The following LMO7 variants were observed in gnomAD, a reference collection of about 807,000 sequenced individuals.
LMO7 encodes the protein LIM domain 7.
In LMO7, 120 loss-of-function variants were observed where a neutral mutation model predicts 206.5. That is an observed-to-expected ratio of 0.58 (90% confidence interval 0.50 to 0.68). The LOEUF (loss-of-function observed/expected upper bound fraction) is 0.68. LMO7 is among the 30% of genes least tolerant of loss of function. LMO7 has a pLI of 0.00. For missense variants in LMO7, 1,959 were observed against 1,957.9 expected (o/e 1.00, Z -0.01); for synonymous variants, 706 against 681.5 (o/e 1.04, Z -0.56).
intron 3 of LMO7, among the ~76,000 whole-genome samples, chr13:75,737,739 C>A (rs71434803): frequency 1.1e-5 from 1 of 91,520 alleles, no homozygotes; most frequent in Non-Finnish European, 1.9e-5. Flanking sequence ...GGCGACAGAG[C>A]GAGACTCCGT....
chr13:75,776,845 T>C (rs2050576817), intron 4 of LMO7, among the ~76,000 whole-genome samples: 1 of 152,228 alleles, frequency 6.6e-6, no homozygotes, highest in African/African-American at 2.4e-5. Flanking sequence ...AGGTTGATTT[T>C]CCTATCAATT....
chr13:75,737,793 A>AAC lies in LMO7; in HGVS notation c.210+10696_210+10697insCA, dbSNP rs1555305789. 1.3e-4 allele frequency among the ~76,000 whole-genome samples: 17 copies of AAC among 128,158 alleles called. 1 individual carries two copies. The highest frequency in any genetic ancestry group is 4.6e-4 in the East Asian group (2 of 4,380). The allele number at this position is 128,158 out of a possible 152,430, so 84.1% of individuals were successfully genotyped here. On this transcript the variant is annotated intron_variant, in intron 3 of 30. Coordinates refer to ENST00000377534, the MANE Select transcript of LMO7 (RefSeq NM_001306080.2). ...AAAATAAAATAAAATAAAAAAAAAA[A>AAC]AAAAAAAACTTTTTACTTTGAAATA... is the stretch of plus-strand genomic sequence containing the variant.
At chr13:75,640,335 A>G (rs892329322) in intron 1 of LMO7, among the ~76,000 whole-genome samples, 1 of 152,142 alleles carries the variant, frequency 6.6e-6, no homozygotes, top group Non-Finnish European at 1.5e-5. Context: ...AGTTAAATGG[A>G]TGCTGATGGT....
intron 1 of LMO7, among the ~76,000 whole-genome samples, chr13:75,709,347 C>G (rs1452052290): frequency 6.6e-6 from 1 of 152,132 alleles, no homozygotes; most frequent in Non-Finnish European, 1.5e-5. Context: ...GGTATTTCTA[C>G]TTCAAGATCC....
At chr13:75,748,807 C>CTT (rs1566384248) in intron 3 of LMO7, among the ~76,000 whole-genome samples, 2 of 132,386 alleles carry the variant, frequency 1.5e-5, no homozygotes, top group Non-Finnish European at 3.5e-5. Flanking sequence ...TTCTTTCTTT[C>CTT]TTTCTTTCTT....
intron 1 of LMO7, among the ~76,000 whole-genome samples, chr13:75,673,549 A>G (rs1466605101): frequency 6.6e-6 from 1 of 152,180 alleles, no homozygotes; most frequent in African/African-American, 2.4e-5. Flanking sequence ...CATGCAGATA[A>G]AGGCCATTAT....
chr13:75,696,978 T>G (rs2041952646), intron 1 of LMO7, among the ~76,000 whole-genome samples: 1 of 152,108 alleles, frequency 6.6e-6, no homozygotes. Flanking sequence ...GTGATCCACA[T>G]TTTTGATCTT....
intron 8 of LMO7, chr13:75,805,036 T>G (rs1050086471): frequency 4.0e-6 from 4 of 1,001,964 alleles, no homozygotes; most frequent in South Asian, 9.0e-5. Context: ...AACCGTAGAT[T>G]CCAAGTGAAA....
chr13:75,830,853 G>A (rs1048914464), intron 15 of LMO7, among the ~76,000 whole-genome samples: 1 of 152,128 alleles, frequency 6.6e-6, no homozygotes, highest in Non-Finnish European at 1.5e-5. Flanking sequence ...TAGTTTGAGA[G>A]TATTTATTAA....
chr13:75,840,967 A>T (rs2059515536), intron 22 of LMO7, 142 bp from the exon 23 acceptor site: 1 of 619,070 alleles, frequency 1.6e-6, no homozygotes, highest in Non-Finnish European at 2.8e-6. Flanking sequence ...TAGGGACTAA[A>T]ATCTGATTGG....
intron 18 of LMO7, among the ~76,000 whole-genome samples, chr13:75,835,693 T>C (rs1297720988): frequency 6.6e-6 from 1 of 152,186 alleles, no homozygotes; most frequent in East Asian, 1.9e-4. Flanking sequence ...TATGCGTTCC[T>C]TAGTCTTTAC....
intron 1 of LMO7, among the ~76,000 whole-genome samples, chr13:75,700,042 A>G (rs2042175467): frequency 6.6e-6 from 1 of 152,234 alleles, no homozygotes. Flanking sequence ...TTTTACAAGA[A>G]GAGAAATATG....
Position 75,837,693 on chromosome 13 carries a change from A to C in LMO7, c.3395-447A>C, listed in dbSNP as rs1188997651. On this transcript the variant is annotated intron_variant, in intron 19 of 30. Transcript: ENST00000377534. Reference sequence around the variant, plus strand: ...TTTCTTTGATCTTTCTTTGGGTATCATTTTGTTTTGTTTTCTTCCCCATTA... The same window carrying C: ...TTTCTTTGATCTTTCTTTGGGTATCCTTTTGTTTTGTTTTCTTCCCCATTA... 4.6e-5 allele frequency among the ~76,000 whole-genome samples: 7 copies of C among 152,072 alleles called. No individual in the cohort carries two copies. The South Asian group carries it at 1.0e-3, about 23-fold the overall frequency.
At chr13:75,842,705 G>T (rs750608988) in intron 24 of LMO7, 146 bp from the exon 25 acceptor site, 6 of 585,010 alleles carry the variant, frequency 1.0e-5, no homozygotes, top group Non-Finnish European at 1.8e-5. Context: ...GTTATTCATT[G>T]AAATACCTTT....
chr13:75,796,573 T>C, intron 5 of LMO7, 63 bp from the exon 6 acceptor site: 1 of 905,810 alleles, frequency 1.1e-6, no homozygotes, highest in Admixed American at 1.8e-5. Flanking sequence ...TCACCTATAT[T>C]TGAGCTTGCA....
intron 3 of LMO7, among the ~76,000 whole-genome samples, chr13:75,731,026 G>C (rs1198171725): frequency 1.6e-4 from 24 of 151,744 alleles, no homozygotes; most frequent in African/African-American, 5.3e-4. Flanking sequence ...TTTTACATTT[G>C]CTGAGGAGAG....
chr13:75,844,239 G>A (rs552411545), intron 25 of LMO7, among the ~76,000 whole-genome samples: 41 of 152,022 alleles, frequency 2.7e-4, no homozygotes, highest in Non-Finnish European at 4.7e-4. Flanking sequence ...GTTGATACAA[G>A]TGAAATTATT....
intron 1 of LMO7, among the ~76,000 whole-genome samples, chr13:75,674,606 A>C (rs2039859059): frequency 6.6e-6 from 1 of 152,234 alleles, no homozygotes; most frequent in African/African-American, 2.4e-5. Context: ...TGGGAAACTC[A>C]AAGCAGAAGG....
At chr13:75,840,298 A>G in intron 21 of LMO7, 93 bp from the exon 22 acceptor site, 1 of 1,461,194 alleles carries the variant, frequency 6.8e-7, no homozygotes. Context: ...AAACTGTGAT[A>G]TGAATAATTT....
Sources: gnomAD v4.1 joint callset for allele counts (sites outside exome capture counted in the v4.1 genomes callset) on GRCh38, gnomAD v4.1.1 for gene constraint, MANE v1.5 for transcripts, NCBI Gene and HGNC (gene_info 2026-07-23, HGNC 2026-07-21) for gene names.